ZPLD1: variants seen among roughly 807,000 people sequenced by gnomAD.
The protein encoded by ZPLD1 is zona pellucida like domain containing 1.
A neutral mutation model predicts 47.2 loss-of-function variants in ZPLD1; 34 were observed. The observed-to-expected ratio is 0.72, with a 90% CI of 0.55 to 0.96. The LOEUF (loss-of-function observed/expected upper bound fraction) is 0.96. Ranked by LOEUF, ZPLD1 falls within the 40% of genes least tolerant of loss-of-function variation. The probability of loss-of-function intolerance (pLI) is 0.00; values close to 1 mark genes in which losing one functional copy is unlikely to be tolerated. For synonymous variants in ZPLD1, 176 were observed against 186.2 expected (o/e 0.95, Z 0.45); for missense variants, 512 against 505.8 (o/e 1.01, Z -0.12).
At chr3:102,409,737 T>C (rs1038978827) in intron 7 of ZPLD1, among the ~76,000 whole-genome samples, 3 of 151,786 alleles carry the variant, frequency 2.0e-5, no homozygotes, top group Non-Finnish European at 4.4e-5. Flanking sequence ...GAAACAGTGA[T>C]TAAAAGCTGA....
chr3:102,420,823 A>G (rs1361674261), intron 8 of ZPLD1, among the ~76,000 whole-genome samples: 1 of 151,940 alleles, frequency 6.6e-6, no homozygotes, highest in Non-Finnish European at 1.5e-5. Context: ...TGTTCTTGGA[A>G]AGTGACAAAA....
At chr3:102,449,283 C>A (rs1440297415) in intron 3 of ZPLD1, among the ~76,000 whole-genome samples, 1 of 152,208 alleles carries the variant, frequency 6.6e-6, no homozygotes, top group Admixed American at 6.5e-5. Context: ...CAAAGCCGGC[C>A]TTCTACGCTA....
chr3:102,457,018 A>G (rs74974247), intron 5 of ZPLD1, among the ~76,000 whole-genome samples: 1,661 of 152,380 alleles, frequency 0.011, 34 homozygotes, highest in African/African-American at 0.038. Context: ...CTATGCCCAC[A>G]TTAAAATATA....
At chr3:102,472,105 T>C (rs1422597493) in intron 10 of ZPLD1, among the ~76,000 whole-genome samples, 3 of 152,192 alleles carry the variant, frequency 2.0e-5, no homozygotes, top group Admixed American at 2.0e-4. Flanking sequence ...CTCCCTGTGT[T>C]TGTGTAGACC....
chr3:102,464,227 A>T lies in ZPLD1; in HGVS notation c.737A>T (p.Asp246Val). 2 of 1,612,798 alleles carry T rather than the reference A, an allele frequency of 1.2e-6. No homozygotes were observed. Among genetic ancestry groups the T allele is most frequent in the African/African-American group, 1.3e-5 (1 of 75,026 alleles). The part of the protein sequence containing the change: ...YTTPSGNPND[D>V]IRYDLFLSCD... ...ACCCCATCAGGAAACCCAAATGATG[A>T]CATTCGATATGATCTTTTCCTTAGG... Residue 246 changes from aspartate (D) to valine (V), a missense_variant, in exon 8 of 12, where the codon GAC becomes GTC. Asp to Val is a radical substitution (Grantham distance 152). Transcript: ENST00000466937.
chr3:102,398,468 C>T (rs957977822), intron 7 of ZPLD1, among the ~76,000 whole-genome samples: 6 of 152,080 alleles, frequency 3.9e-5, no homozygotes, highest in African/African-American at 1.2e-4. Context: ...TCTTCCTTCT[C>T]TTTCTAATAT....
chr3:102,397,232 G>T (rs1706568055), intron 7 of ZPLD1, among the ~76,000 whole-genome samples: 1 of 152,080 alleles, frequency 6.6e-6, no homozygotes, highest in South Asian at 2.1e-4. Flanking sequence ...GGAATTAAGG[G>T]ATTACAAGAT....
intron 3 of ZPLD1, among the ~76,000 whole-genome samples, chr3:102,451,407 G>T (rs908961063): frequency 6.6e-6 from 1 of 152,158 alleles, no homozygotes; most frequent in Admixed American, 6.5e-5. Flanking sequence ...CCATTGAAAA[G>T]CATAATCAGT....
chr3:102,435,765 C>T (rs1707080877), intron 1 of ZPLD1, among the ~76,000 whole-genome samples: 1 of 151,922 alleles, frequency 6.6e-6, no homozygotes, highest in Admixed American at 6.6e-5. Context: ...GCCTCAGCCT[C>T]CCGAGTAGCT....
In ZPLD1 at chr3:102,477,481, A is replaced by G; in HGVS notation, c.1111A>G (p.Thr371Ala). The G allele has an allele frequency of 6.2e-7, 1 of 1,613,384 alleles. No homozygotes were observed. The highest frequency in any genetic ancestry group is 8.5e-7 in the Non-Finnish European group (1 of 1,179,632). Reference protein sequence around the residue: ...SMPPFQLNAITSALISGMVIL... With the variant: ...SMPPFQLNAIASALISGMVIL... ...GCCTCCCTTCCAGCTGAACGCCATC[A>G]CCAGCGCACTGATATCAGGAATGGT... Residue 371 changes from threonine (T) to alanine (A), a missense_variant, in exon 12 of 12, where the codon ACC becomes GCC. Physicochemically the swap from Thr to Ala is moderately conservative, Grantham distance 58. Coordinates refer to ENST00000466937, the MANE Select transcript of ZPLD1 (RefSeq NM_001329788.2).
intron 9 of ZPLD1, among the ~76,000 whole-genome samples, chr3:102,469,435 AAAT>A (rs1427230614): frequency 1.3e-5 from 2 of 152,220 alleles, no homozygotes; most frequent in Admixed American, 1.3e-4. Flanking sequence ...AAAGGCAGAC[AAAT>A]ATATGGGTTG....
At chr3:102,464,080 G>T (rs1707552908) in intron 7 of ZPLD1, 91 bp from the exon 8 acceptor site, 1 of 908,484 alleles carries the variant, frequency 1.1e-6, no homozygotes, top group South Asian at 1.5e-5. Context: ...GAAGGAAAAA[G>T]AAGTTTCTCA....
intron 7 of ZPLD1, among the ~76,000 whole-genome samples, chr3:102,402,322 A>G (rs1001251288): frequency 4.6e-5 from 7 of 151,980 alleles, no homozygotes; most frequent in South Asian, 2.1e-4. Flanking sequence ...GGCACTAACC[A>G]TTTCTTACAT....
chr3:102,446,869 G>A (rs1707263443), intron 3 of ZPLD1, among the ~76,000 whole-genome samples: 1 of 152,062 alleles, frequency 6.6e-6, no homozygotes, highest in African/African-American at 2.4e-5. Context: ...AAGAAACAGG[G>A]TCTTTTGTTA....
At position 102,478,927 on chromosome 3, in the gene ZPLD1, A is replaced by G. The variant is rs1015247037; in HGVS notation, c.*1309A>G. Reference sequence around the variant, plus strand: ...CTGTAATCACTAATTTCTATTCAACATTTGTGACCCATTAGTCCGGACTTA... The same window carrying G: ...CTGTAATCACTAATTTCTATTCAACGTTTGTGACCCATTAGTCCGGACTTA... On this transcript the variant is annotated 3_prime_UTR_variant, in exon 12 of 12. Transcript: ENST00000466937. 4 of 152,338 alleles carry G rather than the reference A, an allele frequency of 2.6e-5. No individual in the cohort carries two copies. The highest frequency in any genetic ancestry group is 7.2e-5 in the African/African-American group (3 of 41,580). The allele number at this position is 152,338 out of a possible 1,614,324, so 9.4% of individuals were successfully genotyped here.
At chr3:102,429,936 T>G (rs1706996673) in intron 8 of ZPLD1, among the ~76,000 whole-genome samples, 1 of 152,244 alleles carries the variant, frequency 6.6e-6, no homozygotes. Flanking sequence ...TCCTTTTTCG[T>G]ACTCACTCTG....
chr3:102,439,385 A>T (rs1235491910), intron 3 of ZPLD1, among the ~76,000 whole-genome samples: 1 of 152,228 alleles, frequency 6.6e-6, no homozygotes. Context: ...TACATAGATA[A>T]AGTGCGATTT....
intron 8 of ZPLD1, among the ~76,000 whole-genome samples, chr3:102,426,415 G>A (rs1330962338): frequency 1.3e-5 from 2 of 151,916 alleles, no homozygotes; most frequent in East Asian, 3.9e-4. Context: ...CTAGTCAACA[G>A]GCTGAGGCAG....
At position 102,479,033 on chromosome 3, in the gene ZPLD1, C is replaced by T. The variant is rs1465438957; in HGVS notation, c.*1415C>T. Reference sequence around the variant, plus strand: ...ATGTGAGTTAATAATTAAATCAATCCTCAAGTTGAAAAACACTTTTTCTCC... The same window carrying T: ...ATGTGAGTTAATAATTAAATCAATCTTCAAGTTGAAAAACACTTTTTCTCC... On this transcript the variant is annotated 3_prime_UTR_variant, in exon 12 of 12. Coordinates refer to ENST00000466937, the MANE Select transcript of ZPLD1 (RefSeq NM_001329788.2). 1 of 152,100 alleles carries T rather than the reference C, an allele frequency of 6.6e-6. No individual in the cohort carries two copies. The highest frequency in any genetic ancestry group is 1.5e-5 in the Non-Finnish European group (1 of 68,008). The allele number at this position is 152,100 out of a possible 1,614,324, so 9.4% of individuals were successfully genotyped here. A position where few individuals can be genotyped will look rare whatever the true frequency, so the allele number is the denominator to read the frequency against.
Sources: gnomAD v4.1 joint callset for allele counts (sites outside exome capture counted in the v4.1 genomes callset) on GRCh38, gnomAD v4.1.1 for gene constraint, MANE v1.5 for transcripts, NCBI Gene and HGNC (gene_info 2026-07-23, HGNC 2026-07-21) for gene names.